The following ATP8B3 variants were observed in gnomAD, a reference collection of about 807,000 sequenced individuals.
ATP8B3 encodes phospholipid-transporting ATPase IK.
Under a neutral mutation model 140.9 loss-of-function variants are expected in ATP8B3, and 141 were observed. The ratio of observed to expected loss-of-function variants is 1.00; its 90% CI spans 0.87 to 1.15. The LOEUF (loss-of-function observed/expected upper bound fraction) is 1.15. Among genes scored for constraint, ATP8B3 ranks in the 50% most tolerant of loss-of-function variants. ATP8B3 has a pLI of 0.00. For synonymous variants in ATP8B3, 765 were observed against 714.6 expected (o/e 1.07, Z -1.13); for missense variants, 1,874 against 1,740.6 (o/e 1.08, Z -1.36).
chr19:1,799,772 A>G (rs1198807223), intron 14 of ATP8B3, 175 bp downstream of exon 14: 6 of 670,010 alleles, frequency 9.0e-6, no homozygotes, highest in Non-Finnish European at 1.5e-5. Context: ...CTCAAAAAAA[A>G]AAAAAAATTT....
Position 1,808,228 on chromosome 19 carries a change from G to A in ATP8B3, c.510C>T (p.Ile170=), listed in dbSNP as rs2069085541. Residue 170 remains isoleucine, a synonymous_variant, in exon 5 of 29, where the codon ATC becomes ATT. Transcript: ENST00000310127. ...AGGAGGCAACACGCCTCACCTGCAG[G>A]ATGATGATGATGAGGAAGAACAGGT... is the stretch of plus-strand genomic sequence containing the variant. The part of the protein sequence containing the change: ...VSNLFFLIII[I]LQSIPDISTL... The A allele has an allele frequency of 6.2e-7, 1 of 1,601,798 alleles. No homozygotes were observed. Among genetic ancestry groups the A allele is most frequent in the South Asian group, 1.1e-5 (1 of 90,454 alleles).
At position 1,808,343 on chromosome 19, in the gene ATP8B3, G is replaced by A. The variant is rs200648870; in HGVS notation, c.403-8C>T. 94 of 1,605,046 alleles carry A rather than the reference G, an allele frequency of 5.9e-5. No individual in the cohort carries two copies. In the East Asian group the frequency reaches 1.6e-3, roughly 28 times the overall value. ...CGTGCGGATGACATTGGTCTGGAAC[G>A]AGAGCCGCGGGCTGCCTGGCAGAGG... On this transcript the variant is annotated splice_polypyrimidine_tract_variant and splice_region_variant and intron_variant, in intron 4 of 28. Transcript: ENST00000310127.
chr19:1,782,984 G>A lies in ATP8B3; in HGVS notation c.*44C>T. On this transcript the variant is annotated 3_prime_UTR_variant, in exon 29 of 29. Coordinates refer to ENST00000310127, the MANE Select transcript of ATP8B3 (RefSeq NM_138813.4). ...TTCCTGGGAGGACACCTGCCCCTGT[G>A]GCTGGTGCTTCTTCTTCCCCAGGAA... is the stretch of plus-strand genomic sequence containing the variant. 1.3e-6 allele frequency: 2 copies of A among 1,565,110 alleles called. No homozygotes were observed. Among genetic ancestry groups the A allele is most frequent in the South Asian group, 1.2e-5 (1 of 85,180 alleles).
In ATP8B3 at chr19:1,791,854, C is replaced by T. The variant is rs774362153; in HGVS notation, c.2198G>A (p.Gly733Glu). The T allele has an allele frequency of 6.2e-7, 1 of 1,610,934 alleles. No individual in the cohort carries two copies. Among genetic ancestry groups the T allele is most frequent in the Admixed American group, 1.7e-5 (1 of 60,014 alleles). The change falls in exon 20 of 29, where the codon GGA becomes GAA. Residue 733 changes from glycine to glutamate, a missense_variant. Coordinates refer to ENST00000310127, the MANE Select transcript of ATP8B3 (RefSeq NM_138813.4). ...GAGTCTGTCCTCGATGGCTGTGGCT[C>T]CCAGCAGCTGGTGGGGGAGGAGGGC... ...NRAQALQQLL[G>E]ATAIEDRLQD... is the part of the protein sequence containing the mutation.
chr19:1,791,884 C>A (rs1274162277), intron 19 of ATP8B3, 23 bp from the exon 20 acceptor site: 1 of 1,608,460 alleles, frequency 6.2e-7, no homozygotes, highest in African/African-American at 1.3e-5. Context: ...GAGGGCAGGG[C>A]GGGGAAGATG....
intron 16 of ATP8B3, 119 bp from the exon 17 acceptor site, chr19:1,796,384 C>G: frequency 9.8e-7 from 1 of 1,021,742 alleles, no homozygotes; most frequent in Non-Finnish European, 1.4e-6. Flanking sequence ...CCGGGGACCC[C>G]CGCCTGTACA....
rs1279209035 is a variant in ATP8B3 at position 1,808,312 on chromosome 19, C to T, written c.426G>A (p.Lys142=). Residue 142 remains lysine (K), a synonymous_variant, in exon 5 of 29, where the codon AAG becomes AAA. Coordinates refer to ENST00000310127, the MANE Select transcript of ATP8B3 (RefSeq NM_138813.4). ...KYKTNVIRTA[K]YNFYSFLPLN... Reference sequence around the variant, plus strand: ...GCGGCAGGAACGAGTAGAAGTTGTACTTGGCCGTGCGGATGACATTGGTCT... The same window carrying T: ...GCGGCAGGAACGAGTAGAAGTTGTATTTGGCCGTGCGGATGACATTGGTCT... 1 of 1,612,702 alleles carries T rather than the reference C, an allele frequency of 6.2e-7. No homozygotes were observed. The highest frequency in any genetic ancestry group is 8.5e-7 in the Non-Finnish European group (1 of 1,179,476).
intron 18 of ATP8B3, among the ~76,000 whole-genome samples, chr19:1,793,881 T>C (rs1213064598): frequency 1.3e-5 from 2 of 149,978 alleles, no homozygotes; most frequent in African/African-American, 5.0e-5. Flanking sequence ...TAGCTGAGAC[T>C]ACAGGCCTGC....
At position 1,800,261 on chromosome 19, in the gene ATP8B3, G is replaced by C. The variant is rs767744277; in HGVS notation, c.1341C>G (p.Ile447Met). 1.2e-6 allele frequency: 2 copies of C among 1,611,336 alleles called. No homozygotes were observed. The highest frequency in any genetic ancestry group is 1.7e-6 in the Non-Finnish European group (2 of 1,179,302). Residue 447 changes from isoleucine (I) to methionine (M), a missense_variant and splice_region_variant, in exon 13 of 29, where the codon ATC (isoleucine) becomes ATG (methionine). Ile to Met is a conservative substitution (Grantham distance 10). This residue lies in a region of ATP8B3 where 1,032 missense variants were observed against 963.6 expected (regional missense o/e 1.07). Coordinates refer to ENST00000310127, the MANE Select transcript of ATP8B3 (RefSeq NM_138813.4). This position sits in a 1 kb window ranked among gnomAD's most constrained non-coding sequence, Gnocchi z 4.4. ...LSVTIPMSMFILSEFIYLGNS... is the reference protein window; with the variant it reads ...LSVTIPMSMFMLSEFIYLGNS... ...GGACGCAGCCGGCGGAGACTCACAG[G>C]ATGAACATGGACATCGGGATGGTGA...
chr19:1,809,595 A>C, intron 4 of ATP8B3, 48 bp downstream of exon 4: 25 of 1,490,420 alleles, frequency 1.7e-5, no homozygotes, highest in South Asian at 2.4e-5. Flanking sequence ...CCCCGAGGGT[A>C]CCACGGCAGC....
Position 1,800,091 on chromosome 19 carries a change from G to C in ATP8B3, c.1408C>G (p.Pro470Ala), listed in dbSNP as rs773796712. 1.9e-6 allele frequency: 3 copies of C among 1,574,128 alleles called. No individual in the cohort carries two copies. The African/African-American group carries it at 4.1e-5, about 21-fold the overall frequency. ...IDWDVQMYYK[P>A]QDVPAKARST... ...CGGGCCTTGGCAGGCACGTCCTGCG[G>C]CTTGTAGTACATCTGCACGTCCCAG... Residue 470 changes from proline (P) to alanine (A), a missense_variant, in exon 14 of 29, where the codon CCG (proline) becomes GCG (alanine). This residue lies in a region of ATP8B3 where 1,032 missense variants were observed against 963.6 expected (regional missense o/e 1.07). Coordinates refer to ENST00000310127, the MANE Select transcript of ATP8B3 (RefSeq NM_138813.4). The surrounding 1 kb of genome is among the most constrained non-coding windows in gnomAD (Gnocchi z 4.4).
chr19:1,785,131 C>G (rs754414343), intron 27 of ATP8B3, 28 bp downstream of exon 27: 11 of 1,523,134 alleles, frequency 7.2e-6, no homozygotes, highest in Non-Finnish European at 9.7e-6. Context: ...ACCACGACCG[C>G]CCGTCCCACT....
intron 18 of ATP8B3, among the ~76,000 whole-genome samples, chr19:1,792,988 A>C (rs2145183978): frequency 6.9e-6 from 1 of 145,670 alleles, no homozygotes; most frequent in African/African-American, 2.5e-5. Flanking sequence ...ACCTGCTCCC[A>C]CCCCCAGACC....
chr19:1,805,910 C>G lies in ATP8B3; in HGVS notation c.799G>C (p.Val267Leu). The change falls in exon 9 of 29, where the codon GTG becomes CTG. Residue 267 changes from valine to leucine, a missense_variant. Physicochemically the swap from Val to Leu is conservative, Grantham distance 32 (BLOSUM62 1). This residue lies in a region of ATP8B3 where 1,032 missense variants were observed against 963.6 expected (regional missense o/e 1.07). Transcript: ENST00000310127. The surrounding 1 kb of genome is among the most constrained non-coding windows in gnomAD (Gnocchi z 5.2). ...CACCCGTCAATGTCCACCGTCTCCA[C>G]ATAGCACAGGCTGCTGGGCTCCGTG... ...ASTEPSSLCY[V>L]ETVDIDGETN... The G allele has an allele frequency of 3.1e-6, 5 of 1,612,950 alleles. No homozygotes were observed. The highest frequency in any genetic ancestry group is 4.2e-6 in the Non-Finnish European group (5 of 1,179,858).
Position 1,789,583 on chromosome 19 carries a change from G to A in ATP8B3, c.2623C>T (p.Leu875Phe), listed in dbSNP as rs1281623931. The part of the protein sequence containing the change: ...RLSLLCRRFG[L>F]PLAAPPAQDS... ...TGGGCTGGCGGTGCAGCCAGCGGGA[G>A]CCCGAACCTCCGGCACAGCAGGGAC... Residue 875 changes from leucine (L) to phenylalanine (F), a missense_variant, in exon 23 of 29, where the codon CTC (leucine) becomes TTC (phenylalanine). Physicochemically the swap from Leu to Phe is conservative, Grantham distance 22. This residue lies in a region of ATP8B3 where 840 missense variants were observed against 760.9 expected (regional missense o/e 1.10). Coordinates refer to ENST00000310127, the MANE Select transcript of ATP8B3 (RefSeq NM_138813.4). 1 of 1,593,568 alleles carries A rather than the reference G, an allele frequency of 6.3e-7. No homozygotes were observed. The highest frequency in any genetic ancestry group is 8.5e-7 in the Non-Finnish European group (1 of 1,175,422).
At chr19:1,786,182 C>A (rs939192439) in intron 25 of ATP8B3, among the ~76,000 whole-genome samples, 1 of 152,050 alleles carries the variant, frequency 6.6e-6, no homozygotes, top group Non-Finnish European at 1.5e-5. Context: ...GGTCACTTGG[C>A]CACACGAACG....
In ATP8B3 at chr19:1,805,756, A is replaced by T. The variant is rs879055030; in HGVS notation, c.821+132T>A. ...GTGCCTGGCAGCACCCACGCCCCAG[A>T]CACTCATGGGGTGAGTGACCAAAGT... On this transcript the variant is annotated intron_variant, in intron 9 of 28. Transcript: ENST00000310127. This position sits in a 1 kb window ranked among gnomAD's most constrained non-coding sequence, Gnocchi z 5.2. 2.8e-6 allele frequency: 3 copies of T among 1,070,504 alleles called. No individual in the cohort carries two copies. The highest frequency in any genetic ancestry group is 4.1e-6 in the Non-Finnish European group (3 of 727,700). The allele number at this position is 1,070,504 out of a possible 1,614,324, so 66.3% of individuals were successfully genotyped here. A position where few individuals can be genotyped will look rare whatever the true frequency, so the allele number is the denominator to read the frequency against.
chr19:1,783,860 G>A (rs2068227786), intron 28 of ATP8B3, among the ~76,000 whole-genome samples: 1 of 152,096 alleles, frequency 6.6e-6, no homozygotes, highest in Admixed American at 6.6e-5. Flanking sequence ...TTGAGGTGGG[G>A]TCTTGCTCTG....
chr19:1,789,463 T>A lies in ATP8B3; in HGVS notation c.2743A>T (p.Thr915Ser). The A allele has an allele frequency of 6.3e-7, 1 of 1,597,218 alleles. No homozygotes were observed. Among genetic ancestry groups the A allele is most frequent in the Non-Finnish European group, 8.5e-7 (1 of 1,178,990 alleles). Residue 915 changes from threonine (T) to serine (S), a missense_variant, in exon 23 of 29, where the codon ACG becomes TCG. Physicochemically the swap from Thr to Ser is moderately conservative, Grantham distance 58. Transcript: ENST00000310127. The stretch of plus-strand genomic sequence containing the variant: ...ACGATCAGGGCCTTCTGCTTGGGCG[T>A]CACGCGGCAGCAGATGACCGCCTGG... ...KCQAVICCRVTPKQKALIVAL... is the reference protein window; with the variant it reads ...KCQAVICCRVSPKQKALIVAL...
Sources: gnomAD v4.1 joint callset for allele counts (sites outside exome capture counted in the v4.1 genomes callset) on GRCh38, gnomAD v4.1.1 for gene constraint, gnomAD v4.1.1 regional missense constraint, Gnocchi (gnomAD v3.1) non-coding constraint, MANE v1.5 for transcripts, NCBI Gene and HGNC (gene_info 2026-07-23, HGNC 2026-07-21) for gene names.